The following FRAS1 variants were observed in gnomAD, a reference collection of about 807,000 sequenced individuals.
FRAS1 encodes the protein Fraser extracellular matrix complex subunit 1.
FRAS1 carries 290 observed loss-of-function variants against 435.2 expected under a neutral mutation model. The ratio of observed to expected loss-of-function variants is 0.67; its 90% CI spans 0.61 to 0.73. The LOEUF is 0.73. Ranked by LOEUF, FRAS1 falls within the 30% of genes least tolerant of loss-of-function variation. The pLI is 0.00. For missense variants in FRAS1, 4,860 were observed against 5,001.5 expected, an observed-to-expected ratio of 0.97 and a Z score of 0.85; for synonymous variants, 1,800 against 1,851.0, an observed-to-expected ratio of 0.97 and a Z score of 0.71.
chr4:78,344,020 A>G lies in FRAS1; in HGVS notation c.2422+6203A>G, dbSNP rs140739303. Among the ~76,000 whole-genome samples the G allele has an allele frequency of 1.5e-3, 229 of 151,386 alleles. 7 individuals are homozygous for G. In the East Asian group the frequency reaches 0.043, roughly 28 times the overall value. On this transcript the variant is annotated intron_variant, in intron 20 of 73. Coordinates refer to ENST00000512123, the MANE Select transcript of FRAS1 (RefSeq NM_025074.7). ...TGCCTTATTTTGATCACCAAATCCT[A>G]CCCATCCATCCCTCAATGCCTGGTT...
intron 24 of FRAS1, among the ~76,000 whole-genome samples, chr4:78,373,203 A>G (rs1360857821): frequency 6.6e-6 from 1 of 151,970 alleles, no homozygotes; most frequent in Non-Finnish European, 1.5e-5. Flanking sequence ...GGCACATAGG[A>G]AGACCCGATT....
chr4:78,156,757 G>A (rs539056149), intron 2 of FRAS1, among the ~76,000 whole-genome samples: 1 of 152,198 alleles, frequency 6.6e-6, no homozygotes, highest in Admixed American at 6.5e-5. Flanking sequence ...AATCACTTTG[G>A]GGATCCGGAA....
Position 78,479,686 on chromosome 4 carries a change from GC to G in FRAS1, c.8412del (p.Asn2805ThrfsTer13), listed in dbSNP as rs1378083876. ...GPNDASTVSLGNTAFTVSEDA... is the reference protein window; with the variant it reads ...GPNDASTVSLXNTAFTVSEDA... ...AACGATGCCTCGACTGTGTCCCTGG[GC>G]AACACGGCTTTCACTGTCAGTGAGG... On this transcript the variant is annotated frameshift_variant, in exon 56 of 74. Coordinates refer to ENST00000512123, the MANE Select transcript of FRAS1 (RefSeq NM_025074.7). LOFTEE classifies it high-confidence loss of function. 6.2e-7 allele frequency: 1 copy of G among 1,600,738 alleles called. No homozygotes were observed. The highest frequency in any genetic ancestry group is 8.5e-7 in the Non-Finnish European group (1 of 1,171,288).
chr4:78,302,763 T>C (rs1322410695), intron 14 of FRAS1, among the ~76,000 whole-genome samples: 3 of 152,248 alleles, frequency 2.0e-5, no homozygotes, highest in Non-Finnish European at 2.9e-5. Flanking sequence ...ATTAGTCCTT[T>C]GTCAGATGAG....
At chr4:78,334,328 TA>T (rs1730074202) in intron 19 of FRAS1, among the ~76,000 whole-genome samples, 1 of 151,664 alleles carries the variant, frequency 6.6e-6, no homozygotes, top group African/African-American at 2.4e-5. Flanking sequence ...TACTTTTTAA[TA>T]TTTTTTTCAA....
At chr4:78,284,928 A>C (rs1186990521) in intron 13 of FRAS1, among the ~76,000 whole-genome samples, 1 of 152,190 alleles carries the variant, frequency 6.6e-6, no homozygotes, top group East Asian at 1.9e-4. Flanking sequence ...CTTAGAATTG[A>C]CATAGACCTT....
chr4:78,392,775 GATAT>G (rs1175529979), intron 29 of FRAS1, among the ~76,000 whole-genome samples: 1 of 151,522 alleles, frequency 6.6e-6, no homozygotes, highest in Admixed American at 6.6e-5. Context: ...AACTGGCAGG[GATAT>G]ATACATCATG....
At chr4:78,295,641 C>T (rs1283009160) in intron 14 of FRAS1, among the ~76,000 whole-genome samples, 2 of 152,060 alleles carry the variant, frequency 1.3e-5, no homozygotes, top group Non-Finnish European at 2.9e-5. Context: ...TTCCCATTCT[C>T]CTTCTTCCCA....
At chr4:78,238,878 C>G (rs1238660613) in intron 3 of FRAS1, among the ~76,000 whole-genome samples, 1 of 152,168 alleles carries the variant, frequency 6.6e-6, no homozygotes, top group African/African-American at 2.4e-5. Context: ...CAGACTAAAT[C>G]TGGCCCACTG....
rs529204380 is a variant in FRAS1, at chr4:78,286,341, G to A, written c.1400-64G>A. 1.7e-5 allele frequency: 27 copies of A among 1,591,648 alleles called. No individual in the cohort carries two copies. In the South Asian group the frequency reaches 2.9e-4, roughly 17 times the overall value. On this transcript the variant is annotated intron_variant, in intron 13 of 73. Transcript: ENST00000512123. ...ATTGGGCTGTGTAAGCACTGGCATG[G>A]GGGTGGTGTCTTTCAGCTAATCAAA... is the stretch of plus-strand genomic sequence containing the variant.
chr4:78,337,210 A>G (rs1730203779), intron 19 of FRAS1, among the ~76,000 whole-genome samples: 1 of 152,098 alleles, frequency 6.6e-6, no homozygotes, highest in African/African-American at 2.4e-5. Flanking sequence ...CTCTAGAGAG[A>G]AGTTGCAGTA....
rs892735499 is a variant in FRAS1, at chr4:78,282,588, T to G, written c.1108-232T>G. Among the ~76,000 whole-genome samples the G allele has an allele frequency of 4.0e-4, 54 of 136,218 alleles. 2 individuals carry two copies. The highest frequency in any genetic ancestry group is 1.3e-4 in the Non-Finnish European group (8 of 63,826). 89.4% of individuals were successfully genotyped at this position (136,218 alleles called of 152,430 possible). A position where few individuals can be genotyped will look rare whatever the true frequency, so the allele number is the denominator to read the frequency against. ...TTATCTCTGAGTGTGCCTAAAATCT[T>G]TCGGCTGGTTCTCTACATTGAAGTA... On this transcript the variant is annotated intron_variant, in intron 11 of 73. Transcript: ENST00000512123.
chr4:78,310,654 C>T (rs964073040), intron 15 of FRAS1, among the ~76,000 whole-genome samples: 5 of 152,174 alleles, frequency 3.3e-5, no homozygotes, highest in African/African-American at 9.7e-5. Flanking sequence ...GGAGCTTACG[C>T]GTTTTATAAA....
At chr4:78,489,326 G>A (rs1403973349) in intron 59 of FRAS1, among the ~76,000 whole-genome samples, 1 of 152,132 alleles carries the variant, frequency 6.6e-6, no homozygotes, top group Non-Finnish European at 1.5e-5. Flanking sequence ...AATAACATAA[G>A]TAGTTGATTA....
chr4:78,403,743 T>C (rs1487518362), intron 30 of FRAS1, among the ~76,000 whole-genome samples: 1 of 152,202 alleles, frequency 6.6e-6, no homozygotes. Context: ...TCATCATAAG[T>C]TGAAATTATC....
chr4:78,112,809 C>CTTA (rs60801254), intron 2 of FRAS1, among the ~76,000 whole-genome samples: 42,275 of 151,080 alleles, frequency 0.28, 6,195 homozygotes, highest in African/African-American at 0.35. Flanking sequence ...TAAATTTTTA[C>CTTA]TTTATTATTT....
intron 20 of FRAS1, among the ~76,000 whole-genome samples, chr4:78,358,002 A>C (rs973586403): frequency 6.6e-6 from 1 of 152,160 alleles, no homozygotes; most frequent in South Asian, 2.1e-4. Flanking sequence ...TTGGGAACAC[A>C]TGATGACCCC....
Position 78,147,911 on chromosome 4 carries a change from G to A in FRAS1, c.108+81895G>A, listed in dbSNP as rs1720483963. ...ATTATTGTGATGCTTTCTGGGTTGTGAGTTTCTGGAAAACTTAAATCAAAT... is the reference window on the plus strand; with the variant it reads ...ATTATTGTGATGCTTTCTGGGTTGTAAGTTTCTGGAAAACTTAAATCAAAT... On this transcript the variant is annotated intron_variant, in intron 2 of 73. Coordinates refer to ENST00000512123, the MANE Select transcript of FRAS1 (RefSeq NM_025074.7). 3.3e-5 allele frequency among the ~76,000 whole-genome samples: 5 copies of A among 152,278 alleles called. No individual in the cohort carries two copies. In the South Asian group the frequency reaches 1.0e-3, roughly 32 times the overall value.
intron 2 of FRAS1, among the ~76,000 whole-genome samples, chr4:78,138,677 A>G (rs771934221): frequency 6.6e-6 from 1 of 152,174 alleles, no homozygotes; most frequent in Non-Finnish European, 1.5e-5. Flanking sequence ...TAGGTACTTC[A>G]GTATCTCTCC....
Sources: allele counts gnomAD v4.1 joint callset (sites outside exome capture counted in the v4.1 genomes callset), GRCh38; gene constraint gnomAD v4.1.1; transcripts MANE v1.5; gene names NCBI Gene and HGNC (gene_info 2026-07-23, HGNC 2026-07-21).